Variants in FBXW11 observed in about 807,000 individuals in gnomAD.
FBXW11 encodes the protein F-box and WD repeat domain containing 11.
FBXW11 carries 19 observed loss-of-function variants against 77.6 expected under a neutral mutation model. The observed-to-expected ratio is 0.24, with a 90% CI of 0.17 to 0.36. The LOEUF (loss-of-function observed/expected upper bound fraction) is 0.36. Ranked by LOEUF, FBXW11 falls within the 10% of genes least tolerant of loss-of-function variation. The pLI is 1.00. For missense variants in FBXW11, 334 were observed against 704.2 expected (o/e 0.47, Z 5.95); for synonymous variants, 235 against 249.4 (o/e 0.94, Z 0.54).
chr5:171,878,840 A>T (rs1387883859), intron 7 of FBXW11, among the ~76,000 whole-genome samples: 2 of 151,856 alleles, frequency 1.3e-5, no homozygotes, highest in Non-Finnish European at 2.9e-5. Context: ...GAATTGGCTC[A>T]CTCTCTGGAA....
At chr5:171,992,285 G>A (rs866921124) in intron 1 of FBXW11, among the ~76,000 whole-genome samples, 2 of 151,802 alleles carry the variant, frequency 1.3e-5, no homozygotes, top group Non-Finnish European at 2.9e-5. Flanking sequence ...AAAATTAGCC[G>A]GGTGGGTTGG....
intron 6 of FBXW11, among the ~76,000 whole-genome samples, chr5:171,893,127 T>A (rs942753216): frequency 6.6e-6 from 1 of 152,114 alleles, no homozygotes; most frequent in Non-Finnish European, 1.5e-5. Context: ...AATGGAGGGT[T>A]GGAGATATCG....
At chr5:171,874,288 G>C (rs1394897891) in intron 9 of FBXW11, among the ~76,000 whole-genome samples, 1 of 152,130 alleles carries the variant, frequency 6.6e-6, no homozygotes, top group Non-Finnish European at 1.5e-5. Flanking sequence ...CAGTAACAAG[G>C]GAATGCAAAG....
chr5:171,928,801 A>G (rs540048538), intron 2 of FBXW11, among the ~76,000 whole-genome samples: 50 of 152,354 alleles, frequency 3.3e-4, no homozygotes, highest in African/African-American at 9.9e-4. Context: ...AGCCGGGCAC[A>G]GTGGCTCACA....
At chr5:171,915,615 G>GTA (rs1362000403) in intron 2 of FBXW11, among the ~76,000 whole-genome samples, 9 of 134,582 alleles carry the variant, frequency 6.7e-5, no homozygotes, top group Non-Finnish European at 1.4e-4. Flanking sequence ...CACTCATTCT[G>GTA]TGTGTGTGTG....
At chr5:171,946,373 A>C (rs839278) in intron 2 of FBXW11, among the ~76,000 whole-genome samples, 10,383 of 152,212 alleles carry the variant, frequency 0.068, 907 homozygotes, top group African/African-American at 0.21. Flanking sequence ...GATCCTGTCA[A>C]GACATTCAAT....
chr5:171,997,416 C>T (rs1766120463), intron 1 of FBXW11, among the ~76,000 whole-genome samples: 1 of 152,206 alleles, frequency 6.6e-6, no homozygotes, highest in Non-Finnish European at 1.5e-5. Context: ...ACAGCTCCTC[C>T]ACCATTAGAA....
At chr5:171,871,418 T>C (rs962541054) in intron 10 of FBXW11, among the ~76,000 whole-genome samples, 2 of 151,956 alleles carry the variant, frequency 1.3e-5, no homozygotes, top group African/African-American at 4.8e-5. Context: ...GCAGGGGAGG[T>C]GGCTGTCTCT....
rs146047700 is a variant in FBXW11 at position 171,879,317 on chromosome 5, A to G, written c.853-1188T>C. Among the ~76,000 whole-genome samples, 87 of 152,150 alleles carry G rather than the reference A, an allele frequency of 5.7e-4. No homozygotes were observed. In the East Asian group the frequency reaches 0.016, roughly 28 times the overall value. ...CCTTTTTAGTGCTGAAAATTATCCCACTGTCTAGATGTACTACAGTTTATT... is the reference window on the plus strand; with the variant it reads ...CCTTTTTAGTGCTGAAAATTATCCCGCTGTCTAGATGTACTACAGTTTATT... On this transcript the variant is annotated intron_variant, in intron 7 of 13. Coordinates refer to ENST00000517395, the MANE Select transcript of FBXW11 (RefSeq NM_001378974.1).
At chr5:171,913,787 C>G (rs952853128) in intron 3 of FBXW11, among the ~76,000 whole-genome samples, 1 of 150,194 alleles carries the variant, frequency 6.7e-6, no homozygotes, top group Non-Finnish European at 1.5e-5. Flanking sequence ...TGAAACTTTG[C>G]TTGCTCCCCA....
At chr5:171,952,447 A>ATTTTTTTTTTTTTTTTTT (rs1164383563) in intron 2 of FBXW11, among the ~76,000 whole-genome samples, 4 of 6,948 alleles carry the variant, frequency 5.8e-4, no homozygotes, top group Non-Finnish European at 9.5e-4. Context: ...ATATATATAT[A>ATTTTTTTTTTTTTTTTTT]TTTTTTTTTT....
chr5:171,957,708 G>T lies in FBXW11; in HGVS notation c.46-10C>A. ...ACCTTGGCACAGAACACTGCAGGATGACAAAAAGGAAGGAAGAGAAGAAGC... is the reference window on the plus strand; with the variant it reads ...ACCTTGGCACAGAACACTGCAGGATTACAAAAAGGAAGGAAGAGAAGAAGC... On this transcript the variant is annotated splice_polypyrimidine_tract_variant and intron_variant, in intron 1 of 13. Coordinates refer to ENST00000517395, the MANE Select transcript of FBXW11 (RefSeq NM_001378974.1). 1 of 1,611,356 alleles carries T rather than the reference G, an allele frequency of 6.2e-7. No homozygotes were observed. The highest frequency in any genetic ancestry group is 1.1e-5 in the South Asian group (1 of 90,944).
At chr5:171,964,296 T>C (rs1309280351) in intron 1 of FBXW11, among the ~76,000 whole-genome samples, 2 of 152,220 alleles carry the variant, frequency 1.3e-5, no homozygotes, top group Non-Finnish European at 2.9e-5. Context: ...ATGATAATGA[T>C]GAAGAAGAGA....
At chr5:171,940,396 G>A (rs1762686672) in intron 2 of FBXW11, among the ~76,000 whole-genome samples, 1 of 152,118 alleles carries the variant, frequency 6.6e-6, no homozygotes, top group South Asian at 2.1e-4. Flanking sequence ...TTGGCTGAGA[G>A]GGCCTAGAAG....
At chr5:171,910,193 G>A (rs987292915) in intron 4 of FBXW11, among the ~76,000 whole-genome samples, 2 of 150,938 alleles carry the variant, frequency 1.3e-5, no homozygotes, top group African/African-American at 4.9e-5. Context: ...ACCCTCCTGA[G>A]TAGCTGGGAT....
intron 1 of FBXW11, among the ~76,000 whole-genome samples, chr5:171,992,179 CA>C: frequency 1.3e-5 from 2 of 151,442 alleles, no homozygotes; most frequent in African/African-American, 4.8e-5. Context: ...CCTGTAATCC[CA>C]GCACTTTTGG....
chr5:171,905,752 G>A (rs1324902808), intron 4 of FBXW11, among the ~76,000 whole-genome samples: 2 of 152,150 alleles, frequency 1.3e-5, no homozygotes, highest in Non-Finnish European at 2.9e-5. Context: ...GGACAAAGAG[G>A]TTACTGAATA....
intron 13 of FBXW11, chr5:171,867,776 TTAAA>T (rs1034796576): frequency 5.9e-5 from 9 of 152,238 alleles, no homozygotes; most frequent in African/African-American, 2.4e-5. Context: ...AGTAACGATT[TTAAA>T]TAAATACAAA....
intron 1 of FBXW11, among the ~76,000 whole-genome samples, chr5:171,992,271 T>TA (rs916323598): frequency 4.0e-5 from 6 of 149,884 alleles, no homozygotes; most frequent in Admixed American, 6.7e-5. Flanking sequence ...CTACTAAAAA[T>TA]AAAAAAATTA....
Sources: gnomAD v4.1 joint callset for allele counts (sites outside exome capture counted in the v4.1 genomes callset) on GRCh38, gnomAD v4.1.1 for gene constraint, MANE v1.5 for transcripts, NCBI Gene and HGNC (gene_info 2026-07-23, HGNC 2026-07-21) for gene names.